The following FLT1 variants were observed in gnomAD, a reference collection of about 807,000 sequenced individuals.
FLT1 encodes fms related receptor tyrosine kinase 1, also known as vascular endothelial growth factor receptor 1.
A neutral mutation model predicts 156.3 loss-of-function variants in FLT1; 49 were observed. The observed-to-expected ratio is 0.31, with a 90% confidence interval of 0.25 to 0.40. The LOEUF (loss-of-function observed/expected upper bound fraction) is 0.40. Among genes scored for constraint, FLT1 ranks in the 10% least tolerant of loss-of-function variants. The probability of loss-of-function intolerance (pLI) is 1.00; values close to 1 mark genes in which losing one functional copy is unlikely to be tolerated. For missense variants in FLT1, 1,322 were observed against 1,637.2 expected (o/e 0.81, Z 3.32); for synonymous variants, 594 against 583.8 (o/e 1.02, Z -0.25).
chr13:28,427,819 A>G lies in FLT1; in HGVS notation c.1209T>C (p.Tyr403=), dbSNP rs1326943008. Residue 403 remains tyrosine, a synonymous_variant, in exon 9 of 30, where the codon TAT becomes TAC. Transcript: ENST00000282397. ...KDVTEEDAGN[Y]TILLSIKQSN... is the part of the protein sequence containing the mutation. ...ACTGTTTTATGCTCAGCAAGATTGT[A>G]TAATTCCCTGCATCCTCTTCAGTTA... 1.5e-5 allele frequency: 24 copies of G among 1,613,804 alleles called. No homozygotes were observed. Among genetic ancestry groups the G allele is most frequent in the Non-Finnish European group, 1.8e-5 (21 of 1,179,808 alleles).
At position 28,366,626 on chromosome 13, in the gene FLT1, C is replaced by T. The variant is rs368691468; in HGVS notation, c.2117-8941G>A. On this transcript the variant is annotated intron_variant, in intron 14 of 29. Coordinates refer to ENST00000282397, the MANE Select transcript of FLT1 (RefSeq NM_002019.4). ...CTGGGATTACAGGCGCCTGCCACCA[C>T]GCCCGGCTAATTTTTTGTATTTTTA... 1.1e-4 allele frequency among the ~76,000 whole-genome samples: 17 copies of T among 152,162 alleles called. No individual in the cohort carries two copies. The East Asian group carries it at 3.1e-3, about 28-fold the overall frequency.
chr13:28,358,429 A>G (rs1047038168), intron 14 of FLT1, among the ~76,000 whole-genome samples: 2 of 152,222 alleles, frequency 1.3e-5, no homozygotes, highest in Admixed American at 6.5e-5. Flanking sequence ...TTCTTACTCT[A>G]TAGTAAATGG....
At chr13:28,345,900 C>T (rs975058952) in intron 15 of FLT1, 4 of 224,324 alleles carry the variant, frequency 1.8e-5, no homozygotes, top group African/African-American at 6.9e-5. Context: ...GGAACAAAAG[C>T]CCATTAAAAT....
chr13:28,411,875 A>G (rs763578406), intron 10 of FLT1, among the ~76,000 whole-genome samples: 3 of 152,202 alleles, frequency 2.0e-5, no homozygotes, highest in Non-Finnish European at 2.9e-5. Context: ...ACAAAGTCTC[A>G]AGACAGATAA....
intron 25 of FLT1, among the ~76,000 whole-genome samples, chr13:28,313,906 A>AGAGAG (rs756766566): frequency 8.1e-4 from 21 of 25,944 alleles, no homozygotes; most frequent in South Asian, 3.4e-3. Flanking sequence ...AAAAAAAAAA[A>AGAGAG]AAAGAAGAAT....
At chr13:28,485,238 G>A (rs181855652) in intron 1 of FLT1, among the ~76,000 whole-genome samples, 15 of 151,732 alleles carry the variant, frequency 9.9e-5, no homozygotes, top group South Asian at 6.3e-4. Context: ...CTGCAGTCTC[G>A]GCACCTCCAG....
chr13:28,425,383 C>T (rs1877278527), intron 10 of FLT1, among the ~76,000 whole-genome samples: 1 of 152,138 alleles, frequency 6.6e-6, no homozygotes, highest in South Asian at 2.1e-4. Context: ...AGGAATAAGA[C>T]ATGTTTTCAG....
intron 12 of FLT1, among the ~76,000 whole-genome samples, chr13:28,394,840 A>C (rs1437988446): frequency 6.6e-6 from 1 of 152,134 alleles, no homozygotes; most frequent in Admixed American, 6.5e-5. Context: ...GGCTGATTTA[A>C]ATCTGCTTCT....
At chr13:28,427,458 C>A in intron 9 of FLT1, 140 bp from the exon 10 acceptor site, 2 of 833,904 alleles carry the variant, frequency 2.4e-6, no homozygotes, top group South Asian at 3.0e-5. Flanking sequence ...ATAAACCCTC[C>A]TATTTGTCAA....
chr13:28,393,142 C>T (rs1874837668), intron 12 of FLT1, among the ~76,000 whole-genome samples: 2 of 152,156 alleles, frequency 1.3e-5, no homozygotes, highest in Non-Finnish European at 2.9e-5. Flanking sequence ...TAATACTCAT[C>T]CATCTAACAT....
intron 10 of FLT1, among the ~76,000 whole-genome samples, chr13:28,422,375 AGT>A (rs1237000479): frequency 1.3e-5 from 2 of 152,236 alleles, no homozygotes; most frequent in Non-Finnish European, 2.9e-5. Context: ...ATAATCAATC[AGT>A]GTTACTTCTT....
Position 28,439,511 on chromosome 13 carries a change from C to T in FLT1, c.389-1166G>A, listed in dbSNP as rs563590440. On this transcript the variant is annotated intron_variant, in intron 3 of 29. Coordinates refer to ENST00000282397, the MANE Select transcript of FLT1 (RefSeq NM_002019.4). The surrounding 1 kb of genome is among the most constrained non-coding windows in gnomAD (Gnocchi z 4.1). ...GGCTACAGTGATCATTATGGTAGAACTGTGTCCCCACCAAAACGATATGCT... is the reference window on the plus strand; with the variant it reads ...GGCTACAGTGATCATTATGGTAGAATTGTGTCCCCACCAAAACGATATGCT... Among the ~76,000 whole-genome samples the T allele has an allele frequency of 1.3e-5, 2 of 152,340 alleles. No individual in the cohort carries two copies. Among genetic ancestry groups the T allele is most frequent in the African/African-American group, 4.8e-5 (2 of 41,574 alleles).
chr13:28,310,808 G>C (rs1207609855), intron 27 of FLT1, among the ~76,000 whole-genome samples: 1 of 152,204 alleles, frequency 6.6e-6, no homozygotes, highest in Non-Finnish European at 1.5e-5. Flanking sequence ...GAAAAGAAAA[G>C]ATGGGGGAAG....
chr13:28,447,735 A>G (rs1057018058), intron 3 of FLT1, among the ~76,000 whole-genome samples: 1 of 151,880 alleles, frequency 6.6e-6, no homozygotes, highest in Non-Finnish European at 1.5e-5. Context: ...TATAAAATAT[A>G]TTTTTATATG....
At chr13:28,315,175 C>T (rs940008446) in intron 25 of FLT1, among the ~76,000 whole-genome samples, 1 of 152,136 alleles carries the variant, frequency 6.6e-6, no homozygotes, top group African/African-American at 2.4e-5. Flanking sequence ...CTGTTATGAG[C>T]ATTAAATAAA....
intron 1 of FLT1, among the ~76,000 whole-genome samples, chr13:28,480,558 T>C (rs1880775484): frequency 6.6e-6 from 1 of 152,202 alleles, no homozygotes; most frequent in Non-Finnish European, 1.5e-5. Context: ...GAAGAATCAA[T>C]GTGTATTTGC....
intron 1 of FLT1, among the ~76,000 whole-genome samples, chr13:28,478,041 T>C (rs1880647933): frequency 6.6e-6 from 1 of 152,252 alleles, no homozygotes; most frequent in Non-Finnish European, 1.5e-5. Flanking sequence ...GCATCCTCTT[T>C]AGAATCATAG....
At chr13:28,348,303 C>T (rs1397084832) in intron 15 of FLT1, among the ~76,000 whole-genome samples, 1 of 152,142 alleles carries the variant, frequency 6.6e-6, no homozygotes, top group Non-Finnish European at 1.5e-5. Context: ...GTCTAAATTC[C>T]GTCATCTGTT....
rs759456690 is a variant in FLT1, at chr13:28,306,777, G to A, written c.3721-5C>T. 1.2e-6 allele frequency: 2 copies of A among 1,606,192 alleles called. No homozygotes were observed. The highest frequency in any genetic ancestry group is 1.1e-5 in the South Asian group (1 of 90,926). ...GCTGCTGTCGCCCTGGTAGTCCTAG[G>A]GGGAGAAGGAGAAAGGTTATACTCT... On this transcript the variant is annotated splice_polypyrimidine_tract_variant and splice_region_variant and intron_variant, in intron 28 of 29. Coordinates refer to ENST00000282397, the MANE Select transcript of FLT1 (RefSeq NM_002019.4).
Sources: gnomAD v4.1 joint callset for allele counts (sites outside exome capture counted in the v4.1 genomes callset) on GRCh38, gnomAD v4.1.1 for gene constraint, Gnocchi (gnomAD v3.1) non-coding constraint, MANE v1.5 for transcripts, NCBI Gene and HGNC (gene_info 2026-07-23, HGNC 2026-07-21) for gene names.